C4orf46: variants seen among roughly 807,000 people sequenced by gnomAD.
The protein encoded by C4orf46 is renal cancer differentiation gene 1 protein.
C4orf46 carries 8 observed loss-of-function variants against 9.1 expected under a neutral mutation model. That is an observed-to-expected ratio of 0.88 (90% CI 0.52 to 1.59). C4orf46 has a LOEUF of 1.59. C4orf46 is among the 40% of genes most tolerant of loss of function. The pLI is 0.00. For synonymous variants in C4orf46, 51 were observed against 58.8 expected, an observed-to-expected ratio of 0.87 and a Z score of 0.61; for missense variants, 151 against 139.1, an observed-to-expected ratio of 1.09 and a Z score of -0.43.
In C4orf46 at chr4:158,669,404, GTA is replaced by G; in HGVS notation, c.*207_*208del. The G allele has an allele frequency of 2.2e-6, 1 of 455,286 alleles. No homozygotes were observed. The highest frequency in any genetic ancestry group is 4.0e-6 in the Non-Finnish European group (1 of 252,972). The allele number at this position is 455,286 out of a possible 1,614,324, so 28.2% of individuals were successfully genotyped here. A position where few individuals can be genotyped will look rare whatever the true frequency, so the allele number is the denominator to read the frequency against. On this transcript the variant is annotated 3_prime_UTR_variant, in exon 2 of 2. Transcript: ENST00000379205. Reference sequence around the variant, plus strand: ...TTCTATGAAAGTTCAGAGGCATAAAGTATTTAAGGACAAACAAGTACTGGTCC... The same window carrying G: ...TTCTATGAAAGTTCAGAGGCATAAAGTTTAAGGACAAACAAGTACTGGTCC...
At position 158,671,828 on chromosome 4, in the gene C4orf46, G is replaced by A. The variant is rs1332033927; in HGVS notation, c.-27C>T. The A allele has an allele frequency of 5.5e-6, 8 of 1,453,734 alleles. No homozygotes were observed. Among genetic ancestry groups the A allele is most frequent in the African/African-American group, 2.9e-5 (2 of 69,134 alleles). The allele number at this position is 1,453,734 out of a possible 1,614,324, so 90.1% of individuals were successfully genotyped here. On this transcript the variant is annotated 5_prime_UTR_variant, in exon 1 of 2. Transcript: ENST00000379205. ...GGGAAGGGTTGGGACCGCGGAATCCGACCCGAGAAGCCGAACCGACACCAA... is the reference window on the plus strand; with the variant it reads ...GGGAAGGGTTGGGACCGCGGAATCCAACCCGAGAAGCCGAACCGACACCAA...
Position 158,669,427 on chromosome 4 carries a change from G to A in C4orf46, c.*186C>T. 1 of 538,284 alleles carries A rather than the reference G, an allele frequency of 1.9e-6. No individual in the cohort carries two copies. The highest frequency in any genetic ancestry group is 3.3e-6 in the Non-Finnish European group (1 of 301,294). 33.3% of individuals were successfully genotyped at this position (538,284 alleles called of 1,614,324 possible). On this transcript the variant is annotated 3_prime_UTR_variant, in exon 2 of 2. Transcript: ENST00000379205. Reference sequence around the variant, plus strand: ...AAGTATTTAAGGACAAACAAGTACTGGTCCGCAACAAAAATAGCATCGGTA... The same window carrying A: ...AAGTATTTAAGGACAAACAAGTACTAGTCCGCAACAAAAATAGCATCGGTA...
In C4orf46 at chr4:158,669,688, T is replaced by G. The variant is rs1773465889; in HGVS notation, c.267A>C (p.Thr89=). ...ACGTTTTAAGGAAACGTGCATTTTC[T>G]GTACATTTGAAGGCAAGTTCTTCCA... is the stretch of plus-strand genomic sequence containing the variant. ...AQVEELAFKC[T]ENARFLKTWR... Residue 89 remains threonine (T), a synonymous_variant, in exon 2 of 2, where the codon ACA becomes ACC. Transcript: ENST00000379205. The G allele has an allele frequency of 6.2e-7, 1 of 1,613,574 alleles. No individual in the cohort carries two copies. Among genetic ancestry groups the G allele is most frequent in the Non-Finnish European group, 8.5e-7 (1 of 1,179,916 alleles).
intron 1 of C4orf46, among the ~76,000 whole-genome samples, chr4:158,671,250 C>A (rs1773529897): frequency 6.6e-6 from 1 of 152,238 alleles, no homozygotes; most frequent in Non-Finnish European, 1.5e-5. Context: ...GAAAACTATT[C>A]TCCGATGGGA....
Position 158,668,241 on chromosome 4 carries a change from C to T in C4orf46, c.*1372G>A, listed in dbSNP as rs1773431406. The T allele has an allele frequency of 6.6e-6, 1 of 152,444 alleles. No homozygotes were observed. The highest frequency in any genetic ancestry group is 6.6e-5 in the Admixed American group (1 of 15,250). The allele number at this position is 152,444 out of a possible 1,614,324, so 9.4% of individuals were successfully genotyped here. ...TGCTTTTAATAATAATTTATTTTTA[C>T]ACATTTTAAAAATTGCAATTTTCAG... On this transcript the variant is annotated 3_prime_UTR_variant, in exon 2 of 2. Coordinates refer to ENST00000379205, the MANE Select transcript of C4orf46 (RefSeq NM_001008393.4).
rs1284416734 is a variant in C4orf46 at position 158,667,828 on chromosome 4, CAGG to C, written c.*1782_*1784del. 1 of 152,166 alleles carries C rather than the reference CAGG, an allele frequency of 6.6e-6. No individual in the cohort carries two copies. Among genetic ancestry groups the C allele is most frequent in the Non-Finnish European group, 1.5e-5 (1 of 68,042 alleles). The allele number at this position is 152,166 out of a possible 1,614,324, so 9.4% of individuals were successfully genotyped here. ...GAAGGCTATACTGGGGCATGAACAC[CAGG>C]AGGCCAGGGATCACTGGGGCCATCT... On this transcript the variant is annotated 3_prime_UTR_variant, in exon 2 of 2. Coordinates refer to ENST00000379205, the MANE Select transcript of C4orf46 (RefSeq NM_001008393.4).
At chr4:158,670,027 T>TTTTTTTTTTCTTTC (rs1773482642) in intron 1 of C4orf46, among the ~76,000 whole-genome samples, 1 of 65,642 alleles carries the variant, frequency 1.5e-5, no homozygotes, top group African/African-American at 5.9e-5. Flanking sequence ...TGTTTTCTTT[T>TTTTTTTTTTCTTTC]TTTTTTTTTT....
At chr4:158,670,216 T>A (rs1773491941) in intron 1 of C4orf46, among the ~76,000 whole-genome samples, 1 of 151,684 alleles carries the variant, frequency 6.6e-6, no homozygotes, top group African/African-American at 2.4e-5. Context: ...AGAAACAGGG[T>A]TTCTCCATGT....
At position 158,668,324 on chromosome 4, in the gene C4orf46, T is replaced by C. The variant is rs1773433318; in HGVS notation, c.*1289A>G. ...AATAAGCATATCTTTGGTATAGAAA[T>C]CACACCCTATGTGTTTATCTTTAAC... On this transcript the variant is annotated 3_prime_UTR_variant, in exon 2 of 2. Coordinates refer to ENST00000379205, the MANE Select transcript of C4orf46 (RefSeq NM_001008393.4). 6.6e-6 allele frequency: 1 copy of C among 152,656 alleles called. No individual in the cohort carries two copies. Among genetic ancestry groups the C allele is most frequent in the Admixed American group, 6.5e-5 (1 of 15,286 alleles). The allele number at this position is 152,656 out of a possible 1,614,324, so 9.5% of individuals were successfully genotyped here.
At position 158,669,546 on chromosome 4, in the gene C4orf46, A is replaced by C. The variant is rs1773461402; in HGVS notation, c.*67T>G. 1.3e-6 allele frequency: 2 copies of C among 1,496,604 alleles called. No individual in the cohort carries two copies. The highest frequency in any genetic ancestry group is 1.8e-6 in the Non-Finnish European group (2 of 1,081,512). The allele number at this position is 1,496,604 out of a possible 1,614,324, so 92.7% of individuals were successfully genotyped here. A position where few individuals can be genotyped will look rare whatever the true frequency, so the allele number is the denominator to read the frequency against. On this transcript the variant is annotated 3_prime_UTR_variant, in exon 2 of 2. Transcript: ENST00000379205. The stretch of plus-strand genomic sequence containing the variant: ...AGAGGTCATCCTATATGTGTGGTAC[A>C]TGTACAAAATATGACATAAGAAGTA...
chr4:158,668,912 A>C lies in C4orf46; in HGVS notation c.*701T>G, dbSNP rs1477509338. On this transcript the variant is annotated 3_prime_UTR_variant, in exon 2 of 2. Coordinates refer to ENST00000379205, the MANE Select transcript of C4orf46 (RefSeq NM_001008393.4). ...TTTAAAAAAAAAATCAAACAAGTAC[A>C]AAAAATATTTATCATATATTTTTAA... The C allele has an allele frequency of 6.6e-6, 1 of 152,212 alleles. No individual in the cohort carries two copies. The highest frequency in any genetic ancestry group is 1.5e-5 in the Non-Finnish European group (1 of 68,030). 9.4% of individuals were successfully genotyped at this position (152,212 alleles called of 1,614,324 possible). A position where few individuals can be genotyped will look rare whatever the true frequency, so the allele number is the denominator to read the frequency against.
At position 158,667,076 on chromosome 4, in the gene C4orf46, A is replaced by T. The variant is rs1264336993; in HGVS notation, c.*2537T>A. 1 of 152,200 alleles carries T rather than the reference A, an allele frequency of 6.6e-6. No homozygotes were observed. The highest frequency in any genetic ancestry group is 1.5e-5 in the Non-Finnish European group (1 of 68,042). The allele number at this position is 152,200 out of a possible 1,614,324, so 9.4% of individuals were successfully genotyped here. On this transcript the variant is annotated 3_prime_UTR_variant, in exon 2 of 2. Transcript: ENST00000379205. ...AGTCAAGCACCTTTAGCTCGAAATA[A>T]TCAGTATGCCAAATCGGCATATTTG...
At chr4:158,669,867 G>A (rs572287794) in intron 1 of C4orf46, 99 bp from the exon 2 acceptor site, 1 of 962,192 alleles carries the variant, frequency 1.0e-6, no homozygotes, top group Non-Finnish European at 1.5e-6. Flanking sequence ...CAATGCCCAT[G>A]TTATTTTCTT....
chr4:158,671,858 C>T lies in C4orf46; in HGVS notation c.-57G>A, dbSNP rs998312975. ...GAGAAGCCGAACCGACACCAACTGTCTTTTAACCACTCGCGCCCAAAGCCG... is the reference window on the plus strand; with the variant it reads ...GAGAAGCCGAACCGACACCAACTGTTTTTTAACCACTCGCGCCCAAAGCCG... On this transcript the variant is annotated 5_prime_UTR_variant, in exon 1 of 2. Transcript: ENST00000379205. 9.2e-5 allele frequency: 127 copies of T among 1,376,030 alleles called. No homozygotes were observed. Among genetic ancestry groups the T allele is most frequent in the Non-Finnish European group, 1.2e-4 (125 of 1,037,878 alleles). 85.2% of individuals were successfully genotyped at this position (1,376,030 alleles called of 1,614,324 possible).
At chr4:158,670,321 C>T (rs542999965) in intron 1 of C4orf46, among the ~76,000 whole-genome samples, 2 of 152,250 alleles carry the variant, frequency 1.3e-5, no homozygotes, top group Admixed American at 6.5e-5. Context: ...CCGTGCTTGG[C>T]CCAGGATTGC....
intron 1 of C4orf46, among the ~76,000 whole-genome samples, chr4:158,670,085 G>A (rs373477315): frequency 4.0e-4 from 57 of 141,874 alleles, no homozygotes; most frequent in Non-Finnish European, 7.2e-4. Context: ...GTGCAATGGC[G>A]CGATCTTGGT....
At chr4:158,670,028 T>C (rs11725368) in intron 1 of C4orf46, among the ~76,000 whole-genome samples, 1 of 113,138 alleles carries the variant, frequency 8.8e-6, no homozygotes, top group African/African-American at 3.5e-5. Flanking sequence ...GTTTTCTTTT[T>C]TTTTTTTTTT....
upstream of C4orf46, chr4:158,671,918 CAG>C: frequency 1.2e-6 from 1 of 834,642 alleles, no homozygotes; most frequent in Non-Finnish European, 1.8e-6. Flanking sequence ...AAATCCCGCC[CAG>C]TCTCCTCGTG....
At position 158,671,737 on chromosome 4, in the gene C4orf46, G is replaced by C; in HGVS notation, c.65C>G (p.Ser22Cys). 1 of 1,590,302 alleles carries C rather than the reference G, an allele frequency of 6.3e-7. No individual in the cohort carries two copies. The highest frequency in any genetic ancestry group is 8.6e-7 in the Non-Finnish European group (1 of 1,168,708). The change falls in exon 1 of 2, where the codon TCT becomes TGT. Residue 22 changes from serine to cysteine, a missense_variant. Coordinates refer to ENST00000379205, the MANE Select transcript of C4orf46 (RefSeq NM_001008393.4). ...GGAAGATGCTGCAGAGGCGTCTGAAGAGGAGGGAGAAGAGGGAGGCGGCGG... is the reference window on the plus strand; with the variant it reads ...GGAAGATGCTGCAGAGGCGTCTGAACAGGAGGGAGAAGAGGGAGGCGGCGG... The part of the protein sequence containing the change: ...PPPPPPSSPS[S>C]SDASAASSPG...
Sources: gnomAD v4.1 joint callset for allele counts (sites outside exome capture counted in the v4.1 genomes callset) on GRCh38, gnomAD v4.1.1 for gene constraint, MANE v1.5 for transcripts, NCBI Gene and HGNC (gene_info 2026-07-23, HGNC 2026-07-21) for gene names.